GTF2IRD2: variants seen among roughly 807,000 people sequenced by gnomAD.
The protein encoded by GTF2IRD2 is GTF2I repeat domain containing 2.
Under a neutral mutation model 49.2 loss-of-function variants are expected in GTF2IRD2, and 8 were observed. The observed-to-expected ratio is 0.16, with a 90% CI of 0.10 to 0.29. The LOEUF is 0.29. GTF2IRD2 is among the 10% of genes least tolerant of loss of function. GTF2IRD2 has a pLI of 1.00. For missense variants in GTF2IRD2, 130 were observed against 725.7 expected (o/e 0.18, Z 9.43); for synonymous variants, 47 against 289.7 (o/e 0.16, Z 8.51).
At chr7:74,830,074 A>G (rs1799712283) in intron 3 of GTF2IRD2, among the ~76,000 whole-genome samples, 1 of 149,260 alleles carries the variant, frequency 6.7e-6, no homozygotes, top group African/African-American at 2.5e-5. Context: ...CCAGAAATAA[A>G]CCCTTGACCA....
At chr7:74,826,744 C>G (rs1443187778) in intron 3 of GTF2IRD2, among the ~76,000 whole-genome samples, 12 of 83,148 alleles carry the variant, frequency 1.4e-4, no homozygotes, top group Non-Finnish European at 2.5e-4. Flanking sequence ...GAGAGTCTTA[C>G]TCTGTTGCCT....
chr7:74,838,414 G>A (rs1324829944), intron 1 of GTF2IRD2, among the ~76,000 whole-genome samples: 1 of 74,032 alleles, frequency 1.4e-5, no homozygotes, highest in Non-Finnish European at 2.4e-5. Context: ...TGTTTGTTTT[G>A]TTTTTAGAGA....
intron 3 of GTF2IRD2, among the ~76,000 whole-genome samples, chr7:74,825,791 C>T (rs2906246): frequency 7.0e-6 from 1 of 143,828 alleles, no homozygotes; most frequent in Non-Finnish European, 1.5e-5. Context: ...GTATAGTTTT[C>T]TTTCTTTCTT....
At chr7:74,798,526 T>C (rs1422179349) in intron 15 of GTF2IRD2, among the ~76,000 whole-genome samples, 1 of 151,640 alleles carries the variant, frequency 6.6e-6, no homozygotes, top group Non-Finnish European at 1.5e-5. Context: ...TCGTTGTTGT[T>C]GAGACGGAGT....
At chr7:74,820,620 CG>C in intron 6 of GTF2IRD2, 2 of 18,510 alleles carry the variant, frequency 1.1e-4, no homozygotes, top group Admixed American at 3.1e-4. Context: ...CTGCAATCCA[CG>C]CTGTCTACAC....
rs1169561252 is a variant in GTF2IRD2, at chr7:74,851,567, T to C, written c.-206A>G. 2 of 33,638 alleles carry C rather than the reference T, an allele frequency of 5.9e-5. 1 individual carries two copies. Among genetic ancestry groups the C allele is most frequent in the Non-Finnish European group, 9.7e-5 (2 of 20,548 alleles). The allele number at this position is 33,638 out of a possible 1,614,324, so 2.1% of individuals were successfully genotyped here. ...TTTCTTTCCCCCCCTTTTCCCCCCT[T>C]TTTTTGTTTGCTTCCTGGAAGGCAG... On this transcript the variant is annotated 5_prime_UTR_variant, in exon 1 of 16. Transcript: ENST00000451013.
intron 4 of GTF2IRD2, among the ~76,000 whole-genome samples, chr7:74,823,091 C>T (rs1799068527): frequency 9.5e-6 from 1 of 105,022 alleles, no homozygotes; most frequent in African/African-American, 4.1e-5. Flanking sequence ...GTTTCCCAGA[C>T]TGGTCTCGAA....
At position 74,827,527 on chromosome 7, in the gene GTF2IRD2, T is replaced by TG. The variant is rs1245519248; in HGVS notation, c.239-2476dup. Among the ~76,000 whole-genome samples the TG allele has an allele frequency of 5.0e-5, 5 of 100,004 alleles. No individual in the cohort carries two copies. In the Admixed American group the frequency reaches 5.6e-4, roughly 11 times the overall value. The allele number at this position is 100,004 out of a possible 152,430, so 65.6% of individuals were successfully genotyped here. A position where few individuals can be genotyped will look rare whatever the true frequency, so the allele number is the denominator to read the frequency against. On this transcript the variant is annotated intron_variant, in intron 3 of 15. Transcript: ENST00000451013. ...GCCCACTGGATAGTGGGGAAGCCTG[T>TG]GGGGGTGTCCATGTGGTGGCTGGCA... is the stretch of plus-strand genomic sequence containing the variant.
At chr7:74,841,622 G>A (rs1554421878) in intron 1 of GTF2IRD2, among the ~76,000 whole-genome samples, 1 of 141,868 alleles carries the variant, frequency 7.0e-6, no homozygotes, top group Non-Finnish European at 1.5e-5. Flanking sequence ...CACTACACCT[G>A]GCTCAATCAA....
In GTF2IRD2 at chr7:74,842,297, A is replaced by T. The variant is rs1359407603; in HGVS notation, c.-5-5914T>A. On this transcript the variant is annotated intron_variant, in intron 1 of 15. Transcript: ENST00000451013. ...CAGGCTGGAGTGCAGTGGCACAATC[A>T]CAGTTCACTGCAACCTCTGCCTTCT... Among the ~76,000 whole-genome samples the T allele has an allele frequency of 8.7e-5, 11 of 126,046 alleles. 1 individual carries two copies. Among genetic ancestry groups the T allele is most frequent in the African/African-American group, 3.6e-4 (11 of 30,208 alleles). The allele number at this position is 126,046 out of a possible 152,430, so 82.7% of individuals were successfully genotyped here. A position where few individuals can be genotyped will look rare whatever the true frequency, so the allele number is the denominator to read the frequency against.
rs2257858 is a variant in GTF2IRD2, at chr7:74,797,677, T to G, written c.1835A>C (p.Lys612Thr). 5 of 1,601,226 alleles carry G rather than the reference T, an allele frequency of 3.1e-6. No homozygotes were observed. The highest frequency in any genetic ancestry group is 2.7e-5 in the African/African-American group (2 of 73,012). ...GCCAGTGGAGGCCACGCTTACTAAT[T>G]TCGACCAGTCGATACAGAAGTTTTT... ...SLKNFCIDWS[K>T]LVSVASTGTP... The change falls in exon 16 of 16, where the codon AAA (lysine) becomes ACA (threonine). Residue 612 changes from lysine (K) to threonine (T), a missense_variant. Transcript: ENST00000451013.
At chr7:74,832,989 C>T in intron 2 of GTF2IRD2, 46 bp from the exon 3 acceptor site, 1 of 495,464 alleles carries the variant, frequency 2.0e-6, no homozygotes, top group Non-Finnish European at 3.5e-6. Context: ...AGGGCAGATC[C>T]AAGTTTGTGG....
intron 3 of GTF2IRD2, among the ~76,000 whole-genome samples, chr7:74,831,504 TACACACACACACACAC>T (rs4029807): frequency 1.7e-4 from 20 of 119,544 alleles, no homozygotes; most frequent in Admixed American, 2.6e-4. Context: ...TCTCTGTACA[TACACACACACACACAC>T]ACACACACAC....
intron 3 of GTF2IRD2, among the ~76,000 whole-genome samples, chr7:74,829,798 G>C (rs1554420172): frequency 6.7e-6 from 1 of 150,366 alleles, no homozygotes; most frequent in Non-Finnish European, 1.5e-5. Flanking sequence ...TGAGGCAGGA[G>C]AATGGCTTGA....
intron 4 of GTF2IRD2, among the ~76,000 whole-genome samples, chr7:74,824,721 A>G (rs1471562714): frequency 2.9e-5 from 1 of 34,464 alleles, no homozygotes; most frequent in Non-Finnish European, 4.6e-5. Flanking sequence ...GTGAAACCCC[A>G]TCTCTACTAA....
intron 3 of GTF2IRD2, among the ~76,000 whole-genome samples, chr7:74,826,859 G>A (rs1799443889): frequency 6.7e-6 from 1 of 149,048 alleles, no homozygotes; most frequent in African/African-American, 2.5e-5. Flanking sequence ...TTACAGGCAT[G>A]CACCACCGCC....
chr7:74,846,361 C>G (rs1418126277), intron 1 of GTF2IRD2, among the ~76,000 whole-genome samples: 2 of 98,266 alleles, frequency 2.0e-5, no homozygotes, highest in African/African-American at 7.7e-5. Context: ...AGGTCAAATC[C>G]AGACCGCAGC....
In GTF2IRD2 at chr7:74,851,388, G is replaced by A. The variant is rs1477666250; in HGVS notation, c.-27C>T. 3 of 47,312 alleles carry A rather than the reference G, an allele frequency of 6.3e-5. 1 individual carries two copies. The highest frequency in any genetic ancestry group is 1.1e-4 in the Non-Finnish European group (3 of 27,298). 2.9% of individuals were successfully genotyped at this position (47,312 alleles called of 1,614,324 possible). A position where few individuals can be genotyped will look rare whatever the true frequency, so the allele number is the denominator to read the frequency against. ...GCACCTGAGGGCGCTGGGCCGCGCC[G>A]GGCCGGCCGCGGAGTCCGAGGCCTG... On this transcript the variant is annotated 5_prime_UTR_variant, in exon 1 of 16. Coordinates refer to ENST00000451013, the MANE Select transcript of GTF2IRD2 (RefSeq NM_173537.5).
rs1462937765 is a variant in GTF2IRD2 at position 74,798,806 on chromosome 7, G to A, written c.1247-541C>T. On this transcript the variant is annotated intron_variant, in intron 15 of 15. Coordinates refer to ENST00000451013, the MANE Select transcript of GTF2IRD2 (RefSeq NM_173537.5). Reference sequence around the variant, plus strand: ...TTACAAGCATGAGCCACTGCACCCAGCCAGATCTTCAGGTTTTCTAAAGAA... The same window carrying A: ...TTACAAGCATGAGCCACTGCACCCAACCAGATCTTCAGGTTTTCTAAAGAA... Among the ~76,000 whole-genome samples, 12 of 139,630 alleles carry A rather than the reference G, an allele frequency of 8.6e-5. No homozygotes were observed. The Admixed American group carries it at 8.8e-4, about 10-fold the overall frequency. 91.6% of individuals were successfully genotyped at this position (139,630 alleles called of 152,430 possible).
Sources: allele counts gnomAD v4.1 joint callset (sites outside exome capture counted in the v4.1 genomes callset), GRCh38; gene constraint gnomAD v4.1.1; transcripts MANE v1.5; gene names NCBI Gene and HGNC (gene_info 2026-07-23, HGNC 2026-07-21).